The following SYP variants were observed in gnomAD, a reference collection of about 807,000 sequenced individuals.
SYP encodes synaptophysin.
Under a neutral mutation model 24.3 loss-of-function variants are expected in SYP, and 2 were observed. The observed-to-expected ratio is 0.08, with a 90% CI of 0.03 to 0.26. SYP has a LOEUF of 0.26. Ranked by LOEUF, SYP falls within the 10% of genes least tolerant of loss-of-function variation. SYP has a pLI of 1.00. For synonymous variants in SYP, 143 were observed against 123.2 expected (o/e 1.16, Z -1.07); for missense variants, 216 against 266.3 (o/e 0.81, Z 1.32).
chrX:49,197,916 CG>C (rs2065534366), intron 2 of SYP, 77 bp from the exon 3 acceptor site: 1 of 1,178,809 alleles, frequency 8.5e-7, no homozygotes. Flanking sequence ...CTGGACAGAT[CG>C]GGGGCCCAGC....
In SYP at chrX:49,198,136, G is replaced by A. The variant is rs1454618222; in HGVS notation, c.103-297C>T. ...ATCTCACTGTGTCTCTGTTTCTCTCGGTATCTCTGTTTCTCTATGTGTCTT... is the reference window on the plus strand; with the variant it reads ...ATCTCACTGTGTCTCTGTTTCTCTCAGTATCTCTGTTTCTCTATGTGTCTT... On this transcript the variant is annotated intron_variant, in intron 2 of 6. Coordinates refer to ENST00000263233, the MANE Select transcript of SYP (RefSeq NM_003179.3). 2.3e-5 allele frequency: 8 copies of A among 346,443 alleles called. No homozygotes were observed. The East Asian group carries it at 3.1e-4, about 13-fold the overall frequency. The allele number at this position is 346,443 out of a possible 1,213,427, so 28.6% of individuals were successfully genotyped here. A position where few individuals can be genotyped will look rare whatever the true frequency, so the allele number is the denominator to read the frequency against.
At chrX:49,192,673 A>G (rs1557102908) in intron 5 of SYP, among the ~76,000 whole-genome samples, 1 of 112,227 alleles carries the variant, frequency 8.9e-6, no homozygotes, top group Non-Finnish European at 1.9e-5. Context: ...GAAGTCTCAC[A>G]TCCAGCAAGT....
intron 6 of SYP, 125 bp downstream of exon 6, chrX:49,191,308 C>G (rs1312617497): frequency 1.2e-6 from 1 of 825,528 alleles, no homozygotes; most frequent in Admixed American, 2.6e-5. Context: ...CTCCTTCAAA[C>G]TTCAGTCCTT....
At chrX:49,200,080 G>C in intron 1 of SYP, 71 bp downstream of exon 1, 1 of 1,142,610 alleles carries the variant, frequency 8.8e-7, no homozygotes, top group Non-Finnish European at 1.2e-6. Flanking sequence ...TCCCAGAGTC[G>C]GCTGGCCTGA....
intron 5 of SYP, among the ~76,000 whole-genome samples, chrX:49,192,004 A>G (rs1805125771): frequency 8.9e-6 from 1 of 112,574 alleles, no homozygotes; most frequent in African/African-American, 3.2e-5. Flanking sequence ...TTACATATAC[A>G]ATTATTTACA....
chrX:49,199,494 G>A (rs781793672), intron 1 of SYP, among the ~76,000 whole-genome samples: 1 of 106,482 alleles, frequency 9.4e-6, no homozygotes, highest in East Asian at 3.0e-4. Context: ...AGATATTTGA[G>A]GTGATGGGGA....
chrX:49,197,657 G>A lies in SYP; in HGVS notation c.227+58C>T, dbSNP rs782001407. 50 of 1,180,920 alleles carry A rather than the reference G, an allele frequency of 4.2e-5. 1 individual carries two copies. The South Asian group carries it at 7.1e-4, about 17-fold the overall frequency. On this transcript the variant is annotated intron_variant, in intron 3 of 6. Transcript: ENST00000263233. ...CTACTTGCGGGGGGAGGTATTGGCC[G>A]GTTCCACCCTGCCCCTTCCTCTCCC...
chrX:49,192,367 A>G (rs782767730), intron 5 of SYP, among the ~76,000 whole-genome samples: 1 of 111,558 alleles, frequency 9.0e-6, no homozygotes, highest in African/African-American at 3.3e-5. Flanking sequence ...CTAATTTTGT[A>G]TTTTTAGTAG....
rs1026796799 is a variant in SYP, at chrX:49,188,575, C to T, written c.*712G>A. ...GGCTCTGGTACCAATCCAAGACCCA[C>T]CTACTCTGGAGCCCACCATTCTGCC... On this transcript the variant is annotated 3_prime_UTR_variant, in exon 7 of 7. Coordinates refer to ENST00000263233, the MANE Select transcript of SYP (RefSeq NM_003179.3). 1.8e-5 allele frequency: 2 copies of T among 111,200 alleles called. No individual in the cohort carries two copies. Among genetic ancestry groups the T allele is most frequent in the African/African-American group, 3.3e-5 (1 of 30,429 alleles). The allele number at this position is 111,200 out of a possible 1,213,427, so 9.2% of individuals were successfully genotyped here. A position where few individuals can be genotyped will look rare whatever the true frequency, so the allele number is the denominator to read the frequency against.
At chrX:49,195,322 G>A (rs1219876344) in intron 3 of SYP, among the ~76,000 whole-genome samples, 15 of 110,772 alleles carry the variant, frequency 1.4e-4, no homozygotes, top group African/African-American at 4.9e-4. Context: ...GAAATGTACA[G>A]AGGCGGAAAC....
chrX:49,198,406 T>C (rs373865186), intron 2 of SYP: 1 of 124,081 alleles, frequency 8.1e-6, no homozygotes, highest in South Asian at 2.7e-4. Flanking sequence ...CTCTTTTTTC[T>C]GAGTGTCTCT....
At chrX:49,197,401 G>A in intron 3 of SYP, 1 of 285,305 alleles carries the variant, frequency 3.5e-6, no homozygotes. Context: ...AATAATATTG[G>A]CTAACATTAA....
rs1557103807 is a variant in SYP at position 49,200,162 on chromosome X, C to T, written c.25G>A (p.Val9Met). 2.6e-6 allele frequency: 3 copies of T among 1,164,371 alleles called. No homozygotes were observed. Among genetic ancestry groups the T allele is most frequent in the Non-Finnish European group, 3.4e-6 (3 of 871,788 alleles). Residue 9 changes from valine to methionine, a missense_variant, in exon 1 of 7, where the codon GTG (valine) becomes ATG (methionine). Around this residue, in one of 2 missense-constraint regions of SYP, gnomAD observed 102 missense variants for 158.4 expected, o/e 0.64. Coordinates refer to ENST00000263233, the MANE Select transcript of SYP (RefSeq NM_003179.3). ...GCTGGAGCGCGTACCTGATTCACCA[C>T]GTCCATGTCCGCCAGCAGCAGCATC... MLLLADMD[V>M]VNQLVAGGQF...
intron 3 of SYP, among the ~76,000 whole-genome samples, chrX:49,195,219 G>T (rs782699136): frequency 1.8e-5 from 2 of 109,376 alleles, no homozygotes; most frequent in Non-Finnish European, 3.8e-5. Context: ...CTACAAGAGG[G>T]CAGGGCTTTT....
rs2065494501 is a variant in SYP, at chrX:49,188,329, T to C, written c.*958A>G. The C allele has an allele frequency of 9.0e-6, 1 of 110,896 alleles. No individual in the cohort carries two copies. The highest frequency in any genetic ancestry group is 3.3e-5 in the African/African-American group (1 of 30,342). The allele number at this position is 110,896 out of a possible 1,213,427, so 9.1% of individuals were successfully genotyped here. A position where few individuals can be genotyped will look rare whatever the true frequency, so the allele number is the denominator to read the frequency against. On this transcript the variant is annotated 3_prime_UTR_variant, in exon 7 of 7. Coordinates refer to ENST00000263233, the MANE Select transcript of SYP (RefSeq NM_003179.3). Reference sequence around the variant, plus strand: ...TGGAAGCTCCTATCCAAGTCCCCTCTCCACTGCCCAAACCCAGCCATTGTA... The same window carrying C: ...TGGAAGCTCCTATCCAAGTCCCCTCCCCACTGCCCAAACCCAGCCATTGTA...
chrX:49,190,206 GTC>G (rs1176568603), intron 6 of SYP, among the ~76,000 whole-genome samples: 2 of 108,359 alleles, frequency 1.8e-5, no homozygotes, highest in African/African-American at 6.8e-5. Flanking sequence ...TTGAGACAGA[GTC>G]TCGCTCTGTT....
chrX:49,197,736 A>T lies in SYP; in HGVS notation c.206T>A (p.Val69Asp), dbSNP rs782012520. 1 of 1,207,372 alleles carries T rather than the reference A, an allele frequency of 8.3e-7. No homozygotes were observed. The change falls in exon 3 of 7, where the codon GTC becomes GAC. Residue 69 changes from valine to aspartate, a missense_variant. Physicochemically the swap from Val to Asp is radical, Grantham distance 152. This residue lies in a region of SYP where 102 missense variants were observed against 158.4 expected (regional missense o/e 0.64). Transcript: ENST00000263233. The stretch of plus-strand genomic sequence containing the variant: ...ACACCTGAAGGGGTACTCGAACTCG[A>T]CCTCGATGCTGAGGTCACTCTCGGT... The part of the protein sequence containing the change: ...NKTESDLSIE[V>D]EFEYPFRLHQ...
At chrX:49,200,081 G>T in intron 1 of SYP, 70 bp downstream of exon 1, 3 of 1,142,844 alleles carry the variant, frequency 2.6e-6, no homozygotes, top group Non-Finnish European at 3.5e-6. Flanking sequence ...CCCAGAGTCG[G>T]CTGGCCTGAG....
In SYP at chrX:49,197,728, C is replaced by T. The variant is rs782337921; in HGVS notation, c.214G>A (p.Glu72Lys). The T allele has an allele frequency of 2.4e-5, 29 of 1,205,899 alleles. No individual in the cohort carries two copies. Among genetic ancestry groups the T allele is most frequent in the Non-Finnish European group, 3.0e-5 (27 of 892,876 alleles). ...ESDLSIEVEF[E>K]YPFRLHQVYF... The stretch of plus-strand genomic sequence containing the variant: ...GTGGGAGCACACCTGAAGGGGTACT[C>T]GAACTCGACCTCGATGCTGAGGTCA... Residue 72 changes from glutamate to lysine, a missense_variant, in exon 3 of 7, where the codon GAG (glutamate) becomes AAG (lysine). Glu to Lys is a moderately conservative substitution (Grantham distance 56). Around this residue, in one of 2 missense-constraint regions of SYP, gnomAD observed 102 missense variants for 158.4 expected, o/e 0.64. Transcript: ENST00000263233.
Sources: gnomAD v4.1 joint callset for allele counts (sites outside exome capture counted in the v4.1 genomes callset) on GRCh38, gnomAD v4.1.1 for gene constraint, gnomAD v4.1.1 regional missense constraint, MANE v1.5 for transcripts, NCBI Gene and HGNC (gene_info 2026-07-23, HGNC 2026-07-21) for gene names.